TRIB2: variants seen among roughly 807,000 people sequenced by gnomAD.
TRIB2 encodes tribbles pseudokinase 2, also known as tribbles homolog 2.
Under a neutral mutation model 26.8 loss-of-function variants are expected in TRIB2, and 2 were observed. The ratio of observed to expected loss-of-function variants is 0.07; its 90% CI spans 0.03 to 0.24. TRIB2 has a LOEUF of 0.24. Among genes scored for constraint, TRIB2 ranks in the 10% least tolerant of loss-of-function variants. The pLI is 1.00. For missense variants in TRIB2, 306 were observed against 449.0 expected (o/e 0.68, Z 2.88); for synonymous variants, 189 against 187.3 (o/e 1.01, Z -0.08).
rs1373704308 is a variant in TRIB2 at position 12,718,007 on chromosome 2, A to G, written c.-301A>G. Reference sequence around the variant, plus strand: ...ACTCATCCAGATCCACGCCGGGGACACACACACAGAGTAACTAAAAGTGCG... The same window carrying G: ...ACTCATCCAGATCCACGCCGGGGACGCACACACAGAGTAACTAAAAGTGCG... On this transcript the variant is annotated 5_prime_UTR_variant, in exon 1 of 3. Transcript: ENST00000155926. The surrounding 1 kb of genome is among the most constrained non-coding windows in gnomAD (Gnocchi z 4.0). 7.6e-6 allele frequency: 3 copies of G among 395,384 alleles called. No homozygotes were observed. 24.5% of individuals were successfully genotyped at this position (395,384 alleles called of 1,614,324 possible). A position where few individuals can be genotyped will look rare whatever the true frequency, so the allele number is the denominator to read the frequency against.
In TRIB2 at chr2:12,718,991, C is replaced by T. The variant is rs977963479; in HGVS notation, c.270+414C>T. ...ACTGATGACTTCGTTCTTTTCGCAG[C>T]CATTGTTCTTAGCAGCGGGCAGGTG... On this transcript the variant is annotated intron_variant, in intron 1 of 2. Transcript: ENST00000155926. This position sits in a 1 kb window ranked among gnomAD's most constrained non-coding sequence, Gnocchi z 4.0. Among the ~76,000 whole-genome samples, 3 of 152,194 alleles carry T rather than the reference C, an allele frequency of 2.0e-5. No homozygotes were observed. The highest frequency in any genetic ancestry group is 2.4e-5 in the African/African-American group (1 of 41,464).
intron 2 of TRIB2, among the ~76,000 whole-genome samples, chr2:12,728,645 A>G (rs1219458263): frequency 6.6e-6 from 1 of 152,152 alleles, no homozygotes; most frequent in Non-Finnish European, 1.5e-5. Flanking sequence ...TTGACGTGAC[A>G]GGTTTCATTT....
At chr2:12,735,077 C>T (rs1174285696) in intron 2 of TRIB2, among the ~76,000 whole-genome samples, 2 of 152,180 alleles carry the variant, frequency 1.3e-5, no homozygotes, top group African/African-American at 4.8e-5. Flanking sequence ...CTGACACTCA[C>T]CCCCGCCTGT....
At position 12,717,551 on chromosome 2, in the gene TRIB2, G is replaced by A; in HGVS notation, c.-757G>A. ...CGCCGCAACTCTGTGCCCAGCTTTT[G>A]CAATCTTTTGTTGGCAGCGCTGACC... On this transcript the variant is annotated 5_prime_UTR_variant, in exon 1 of 3. Transcript: ENST00000155926. This position sits in a 1 kb window ranked among gnomAD's most constrained non-coding sequence, Gnocchi z 4.8. 1 of 398,328 alleles carries A rather than the reference G, an allele frequency of 2.5e-6. No homozygotes were observed. Among genetic ancestry groups the A allele is most frequent in the Non-Finnish European group, 4.4e-6 (1 of 225,836 alleles). The allele number at this position is 398,328 out of a possible 1,614,324, so 24.7% of individuals were successfully genotyped here. A position where few individuals can be genotyped will look rare whatever the true frequency, so the allele number is the denominator to read the frequency against.
chr2:12,731,664 G>A (rs77625451), intron 2 of TRIB2, among the ~76,000 whole-genome samples: 6 of 152,290 alleles, frequency 3.9e-5, no homozygotes, highest in South Asian at 2.1e-4. Context: ...CAGGTTTTTC[G>A]ACTTGATCTC....
At position 12,742,117 on chromosome 2, in the gene TRIB2, A is replaced by G. The variant is rs1459947976; in HGVS notation, c.*1323A>G. On this transcript the variant is annotated 3_prime_UTR_variant, in exon 3 of 3. Transcript: ENST00000155926. ...GTTTGAGTATTTCTGTCTCTGAAAT[A>G]ACCTTTTACTTGGCTTTTCTAGATA... is the stretch of plus-strand genomic sequence containing the variant. 1 of 152,676 alleles carries G rather than the reference A, an allele frequency of 6.5e-6. No individual in the cohort carries two copies. The highest frequency in any genetic ancestry group is 1.5e-5 in the Non-Finnish European group (1 of 68,046). 9.5% of individuals were successfully genotyped at this position (152,676 alleles called of 1,614,324 possible). A position where few individuals can be genotyped will look rare whatever the true frequency, so the allele number is the denominator to read the frequency against.
rs1666615843 is a variant in TRIB2, at chr2:12,717,409, T to C, written c.-899T>C. On this transcript the variant is annotated 5_prime_UTR_variant, in exon 1 of 3. Coordinates refer to ENST00000155926, the MANE Select transcript of TRIB2 (RefSeq NM_021643.4). The surrounding 1 kb of genome is among the most constrained non-coding windows in gnomAD (Gnocchi z 4.8). ...CTGTCCTCGTTCTCTCCTGCACGTC[T>C]GGCTGCATTCGGAGGAAGACCTGGG... The C allele has an allele frequency of 2.5e-6, 1 of 398,370 alleles. No individual in the cohort carries two copies. Among genetic ancestry groups the C allele is most frequent in the South Asian group, 1.3e-4 (1 of 7,862 alleles). The allele number at this position is 398,370 out of a possible 1,614,324, so 24.7% of individuals were successfully genotyped here.
chr2:12,721,024 G>A (rs1661206497), intron 1 of TRIB2, among the ~76,000 whole-genome samples: 1 of 152,126 alleles, frequency 6.6e-6, no homozygotes, highest in South Asian at 2.1e-4. Flanking sequence ...AACATGTAAA[G>A]AAGCTGGCAC....
intron 2 of TRIB2, among the ~76,000 whole-genome samples, chr2:12,731,671 T>G (rs186878710): frequency 1.9e-3 from 291 of 152,306 alleles, no homozygotes; most frequent in African/African-American, 6.6e-3. Flanking sequence ...TTCGACTTGA[T>G]CTCATTCATT....
chr2:12,731,765 C>T (rs1661464704), intron 2 of TRIB2, among the ~76,000 whole-genome samples: 2 of 152,304 alleles, frequency 1.3e-5, no homozygotes, highest in South Asian at 4.1e-4. Flanking sequence ...CGAGTGGGTG[C>T]AGAGATGCAC....
chr2:12,732,217 G>A lies in TRIB2; in HGVS notation c.564-8109G>A, dbSNP rs553468682. 6.6e-6 allele frequency among the ~76,000 whole-genome samples: 1 copy of A among 152,252 alleles called. No individual in the cohort carries two copies. Among genetic ancestry groups the A allele is most frequent in the African/African-American group, 2.4e-5 (1 of 41,546 alleles). On this transcript the variant is annotated intron_variant, in intron 2 of 2. Transcript: ENST00000155926. This position sits in a 1 kb window ranked among gnomAD's most constrained non-coding sequence, Gnocchi z 4.2. The stretch of plus-strand genomic sequence containing the variant: ...GGCACCATGGATGGGAGTCGGGCAG[G>A]AATGTGCACCTGCATGCGGACAGGG...
In TRIB2 at chr2:12,740,313, T is replaced by A. The variant is rs1170006785; in HGVS notation, c.564-13T>A. 1.9e-6 allele frequency: 3 copies of A among 1,610,084 alleles called. No individual in the cohort carries two copies. In the African/African-American group the frequency reaches 4.0e-5, roughly 22 times the overall value. On this transcript the variant is annotated splice_polypyrimidine_tract_variant and intron_variant, in intron 2 of 2. Coordinates refer to ENST00000155926, the MANE Select transcript of TRIB2 (RefSeq NM_021643.4). The surrounding 1 kb of genome is among the most constrained non-coding windows in gnomAD (Gnocchi z 5.8). ...GCACCCTCAGGAGCTTATGTTTTCC[T>A]CCTTTCTTGCAGGACTCGGGTCAAG... is the stretch of plus-strand genomic sequence containing the variant.
chr2:12,719,801 T>A (rs1661154818), intron 1 of TRIB2, among the ~76,000 whole-genome samples: 1 of 152,206 alleles, frequency 6.6e-6, no homozygotes, highest in Non-Finnish European at 1.5e-5. Context: ...AGTTCAGCCC[T>A]TAGGGGGAAA....
chr2:12,723,547 A>G lies in TRIB2; in HGVS notation c.558A>G (p.Glu186=), dbSNP rs1453952546. Residue 186 remains glutamate (E), a synonymous_variant, in exon 2 of 3, where the codon GAA becomes GAG. Transcript: ENST00000155926. ...TGCGGAAATTCATCTTTAAGGACGA[A>G]GAGAGGTAGGTCTCATCCTGTCCAG... ...LKLRKFIFKD[E]ERTRVKLESL... The G allele has an allele frequency of 1.2e-6, 2 of 1,613,616 alleles. No individual in the cohort carries two copies. The highest frequency in any genetic ancestry group is 1.7e-6 in the Non-Finnish European group (2 of 1,179,816).
intron 2 of TRIB2, among the ~76,000 whole-genome samples, chr2:12,724,448 G>A (rs1661293441): frequency 6.6e-6 from 1 of 152,208 alleles, no homozygotes; most frequent in Non-Finnish European, 1.5e-5. Context: ...AGGGACAGAG[G>A]CAACAAATCT....
At chr2:12,739,429 A>G (rs1248509075) in intron 2 of TRIB2, among the ~76,000 whole-genome samples, 5 of 151,994 alleles carry the variant, frequency 3.3e-5, no homozygotes, top group African/African-American at 9.7e-5. Context: ...TCTGCTAATT[A>G]TCGTATTTTT....
chr2:12,723,298 G>A lies in TRIB2; in HGVS notation c.309G>A (p.Pro103=), dbSNP rs1661265407. 2.5e-6 allele frequency: 4 copies of A among 1,613,982 alleles called. No individual in the cohort carries two copies. Among genetic ancestry groups the A allele is most frequent in the East Asian group, 2.2e-5 (1 of 44,906 alleles). Residue 103 remains proline, a synonymous_variant, in exon 2 of 3, where the codon CCG becomes CCA. Transcript: ENST00000155926. Reference sequence around the variant, plus strand: ...GCTGCTACCAGGAATCCCTGGCACCGTGCTTTTGCCTGTCTGCTCATAGTA... The same window carrying A: ...GCTGCTACCAGGAATCCCTGGCACCATGCTTTTGCCTGTCTGCTCATAGTA... ...DISCYQESLA[P]CFCLSAHSNI...
In TRIB2 at chr2:12,716,985, C is replaced by T. The variant is rs1010686996; in HGVS notation, c.-1323C>T. On this transcript the variant is annotated 5_prime_UTR_variant, in exon 1 of 3. Coordinates refer to ENST00000155926, the MANE Select transcript of TRIB2 (RefSeq NM_021643.4). ...CGCGCGCACACGCGCACTCACGGCC[C>T]CGCTCGCTCCGAGATCCCCGGCCAC... 6.3e-6 allele frequency: 1 copy of T among 159,548 alleles called. No homozygotes were observed. Among genetic ancestry groups the T allele is most frequent in the East Asian group, 1.8e-4 (1 of 5,534 alleles). 9.9% of individuals were successfully genotyped at this position (159,548 alleles called of 1,614,324 possible).
intron 2 of TRIB2, among the ~76,000 whole-genome samples, chr2:12,727,536 T>C (rs1189655989): frequency 1.3e-5 from 2 of 152,202 alleles, no homozygotes; most frequent in African/African-American, 2.4e-5. Context: ...AAAGGCCAGA[T>C]TGACCATATG....
Sources: allele counts gnomAD v4.1 joint callset (sites outside exome capture counted in the v4.1 genomes callset), GRCh38; gene constraint gnomAD v4.1.1; non-coding constraint Gnocchi (gnomAD v3.1); transcripts MANE v1.5; gene names NCBI Gene and HGNC (gene_info 2026-07-23, HGNC 2026-07-21).